The following CCDC171 variants were observed in gnomAD, a reference collection of about 807,000 sequenced individuals.
The protein encoded by CCDC171 is coiled-coil domain-containing protein 171.
In CCDC171, 177 loss-of-function variants were observed where a neutral mutation model predicts 168.2. The observed-to-expected ratio is 1.05, with a 90% CI of 0.93 to 1.19. The LOEUF is 1.19. Among genes scored for constraint, CCDC171 ranks in the 50% most tolerant of loss-of-function variants. CCDC171 has a pLI of 0.00. For missense variants in CCDC171, 1,991 were observed against 1,539.0 expected, an observed-to-expected ratio of 1.29 and a Z score of -4.91; for synonymous variants, 687 against 540.8, an observed-to-expected ratio of 1.27 and a Z score of -3.75.
intron 7 of CCDC171, among the ~76,000 whole-genome samples, chr9:15,626,147 A>G (rs1005995584): frequency 1.3e-5 from 2 of 152,068 alleles, no homozygotes; most frequent in African/African-American, 4.8e-5. Flanking sequence ...AATGCTTGTG[A>G]TTTTTGCACA....
chr9:15,854,664 C>T (rs2061278429), intron 23 of CCDC171, among the ~76,000 whole-genome samples: 1 of 151,592 alleles, frequency 6.6e-6, no homozygotes, highest in Non-Finnish European at 1.5e-5. Flanking sequence ...CTCTTAACTG[C>T]TCCAAGCTGG....
chr9:16,010,277 TTTATA>T (rs1171516187), intron 3 of CCDC171, among the ~76,000 whole-genome samples: 4 of 152,290 alleles, frequency 2.6e-5, no homozygotes, highest in South Asian at 4.1e-4. Context: ...TTACCCAAAC[TTTATA>T]TTATAATTCT....
chr9:15,919,243 T>A (rs1824975563), intron 24 of CCDC171, among the ~76,000 whole-genome samples: 1 of 151,614 alleles, frequency 6.6e-6, no homozygotes, highest in African/African-American at 2.4e-5. Flanking sequence ...TACTCTTACC[T>A]GCAAGTAACT....
chr9:15,649,991 A>G (rs1225223782), intron 7 of CCDC171, among the ~76,000 whole-genome samples: 1 of 152,194 alleles, frequency 6.6e-6, no homozygotes, highest in African/African-American at 2.4e-5. Context: ...AAAGACTTGG[A>G]ACCAACCCAA....
chr9:16,102,255 C>T, the CCDC171 span, among the ~76,000 whole-genome samples: 2 of 152,122 alleles, frequency 1.3e-5, no homozygotes, highest in Non-Finnish European at 2.9e-5. Context: ...CGTGTCCTGG[C>T]CTCCTGGACC....
intron 25 of CCDC171, among the ~76,000 whole-genome samples, chr9:15,950,872 G>T (rs1396015863): frequency 2.0e-5 from 3 of 151,040 alleles, no homozygotes; most frequent in African/African-American, 7.3e-5. Flanking sequence ...CTGTATTCAG[G>T]AAAGCCATCT....
intron 18 of CCDC171, among the ~76,000 whole-genome samples, chr9:15,760,267 T>C (rs911987019): frequency 2.0e-5 from 3 of 152,186 alleles, no homozygotes; most frequent in African/African-American, 7.2e-5. Context: ...TAATAATAAC[T>C]GTATGGCTTT....
At chr9:15,637,175 G>C (rs1199926646) in intron 7 of CCDC171, among the ~76,000 whole-genome samples, 2 of 152,064 alleles carry the variant, frequency 1.3e-5, no homozygotes, top group South Asian at 2.1e-4. Flanking sequence ...AAAATCACTT[G>C]AACCTGGGAG....
intron 7 of CCDC171, among the ~76,000 whole-genome samples, chr9:15,654,588 C>G (rs80325289): frequency 2.7e-3 from 405 of 152,232 alleles, no homozygotes; most frequent in African/African-American, 9.1e-3. Context: ...CCATCTTTGT[C>G]TGTAAACAAA....
intron 11 of CCDC171, among the ~76,000 whole-genome samples, chr9:15,704,084 T>G (rs1416927681): frequency 6.6e-6 from 1 of 152,180 alleles, no homozygotes; most frequent in Non-Finnish European, 1.5e-5. Flanking sequence ...AACCTGCAGT[T>G]TGTAAAAATC....
chr9:15,610,960 A>G (rs983247445), intron 6 of CCDC171, among the ~76,000 whole-genome samples: 2 of 152,114 alleles, frequency 1.3e-5, no homozygotes, highest in Non-Finnish European at 2.9e-5. Flanking sequence ...CCCAAATCTC[A>G]TATTGAAATG....
At chr9:15,922,207 C>T (rs1473497421) in intron 25 of CCDC171, 7 of 373,352 alleles carry the variant, frequency 1.9e-5, no homozygotes, top group South Asian at 1.3e-4. Flanking sequence ...TCTGATGTAT[C>T]CTTTTAGGAG....
chr9:15,615,026 A>C (rs1374192827), intron 6 of CCDC171, among the ~76,000 whole-genome samples: 2 of 152,228 alleles, frequency 1.3e-5, no homozygotes, highest in Non-Finnish European at 2.9e-5. Flanking sequence ...GAATGGAAAC[A>C]TCTTGATAGC....
chr9:16,008,754 T>C (rs117609426), intron 3 of CCDC171, among the ~76,000 whole-genome samples: 5 of 152,286 alleles, frequency 3.3e-5, no homozygotes, highest in Non-Finnish European at 7.4e-5. Context: ...ACACCATTTA[T>C]TGAAGGCATG....
chr9:16,067,676 C>T, the CCDC171 span, among the ~76,000 whole-genome samples: 2 of 152,196 alleles, frequency 1.3e-5, no homozygotes, highest in African/African-American at 4.8e-5. Context: ...CAGCTTTCTA[C>T]ATATGGCTAG....
chr9:16,067,246 T>G, the CCDC171 span, among the ~76,000 whole-genome samples: 1 of 152,054 alleles, frequency 6.6e-6, no homozygotes, highest in African/African-American at 2.4e-5. Flanking sequence ...GTTTTTTGGC[T>G]GTATAAATGT....
chr9:16,097,305 T>A, the CCDC171 span, among the ~76,000 whole-genome samples: 6 of 152,124 alleles, frequency 3.9e-5, no homozygotes, highest in Admixed American at 2.6e-4. Context: ...TAAGACACAA[T>A]CTAAGGGTGG....
At chr9:15,648,512 C>G (rs2047229822) in intron 7 of CCDC171, among the ~76,000 whole-genome samples, 1 of 152,052 alleles carries the variant, frequency 6.6e-6, no homozygotes, top group Admixed American at 6.6e-5. Context: ...TCGTCTCAGC[C>G]CAAAATCTCC....
rs765262557 is a variant in CCDC171 at position 15,874,660 on chromosome 9, C to A, written c.3597C>A (p.Cys1199Ter). Residue 1199 changes from cysteine (C) to a stop codon, truncating the protein, a stop_gained, in exon 24 of 26, where the codon TGC (cysteine) becomes TGA (stop). Coordinates refer to ENST00000380701, the MANE Select transcript of CCDC171 (RefSeq NM_173550.4). LOFTEE classifies it high-confidence loss of function. ...GLKGGPEVVA[C>*]QAMIKSFMDV... ...AGGGCGGGCCAGAGGTGGTAGCATGCCAGGTTAGAGTCTAAATAACATTGT... is the reference window on the plus strand; with the variant it reads ...AGGGCGGGCCAGAGGTGGTAGCATGACAGGTTAGAGTCTAAATAACATTGT... The A allele has an allele frequency of 4.5e-6, 7 of 1,572,330 alleles. No individual in the cohort carries two copies. In the African/African-American group the frequency reaches 9.6e-5, roughly 22 times the overall value.
Sources: gnomAD v4.1 joint callset for allele counts (sites outside exome capture counted in the v4.1 genomes callset) on GRCh38, gnomAD v4.1.1 for gene constraint, MANE v1.5 for transcripts, NCBI Gene and HGNC (gene_info 2026-07-23, HGNC 2026-07-21) for gene names.